The following GPC6 variants were observed in gnomAD, a reference collection of about 807,000 sequenced individuals.
GPC6 encodes the protein glypican 6.
Under a neutral mutation model 55.2 loss-of-function variants are expected in GPC6, and 14 were observed. The observed-to-expected ratio is 0.25, with a 90% CI of 0.17 to 0.40. The LOEUF is 0.40. Among genes scored for constraint, GPC6 ranks in the 10% least tolerant of loss-of-function variants. The pLI, the probability that GPC6 is intolerant of heterozygous loss-of-function variation, is 1.00. For missense variants in GPC6, 641 were observed against 708.5 expected, an observed-to-expected ratio of 0.90 and a Z score of 1.08; for synonymous variants, 278 against 259.6, an observed-to-expected ratio of 1.07 and a Z score of -0.68.
intron 1 of GPC6, among the ~76,000 whole-genome samples, chr13:93,512,430 T>C (rs1161872201): frequency 6.6e-6 from 1 of 152,132 alleles, no homozygotes; most frequent in Non-Finnish European, 1.5e-5. Flanking sequence ...GAAATCGTTT[T>C]TTCTTTCATT....
chr13:93,322,008 G>T (rs751922644), intron 1 of GPC6, among the ~76,000 whole-genome samples: 31 of 151,942 alleles, frequency 2.0e-4, no homozygotes, highest in Non-Finnish European at 4.3e-4. Context: ...CCAATCCATT[G>T]CAGATTGGTT....
intron 1 of GPC6, among the ~76,000 whole-genome samples, chr13:93,498,017 T>C (rs1177517900): frequency 6.6e-6 from 1 of 152,246 alleles, no homozygotes; most frequent in Non-Finnish European, 1.5e-5. Context: ...GGATGTCATC[T>C]TCTATATGCT....
At chr13:94,128,714 C>T (rs1886907470) in intron 4 of GPC6, among the ~76,000 whole-genome samples, 1 of 152,108 alleles carries the variant, frequency 6.6e-6, no homozygotes, top group African/African-American at 2.4e-5. Context: ...TGCCATGTGA[C>T]CAGAAATGAA....
chr13:94,335,808 A>C (rs549163672), intron 6 of GPC6, among the ~76,000 whole-genome samples: 3 of 150,842 alleles, frequency 2.0e-5, no homozygotes, highest in Admixed American at 6.7e-5. Context: ...TTTAGGGAGA[A>C]CATCCATGCC....
At chr13:94,085,426 C>T (rs185155411) in intron 4 of GPC6, among the ~76,000 whole-genome samples, 1 of 151,664 alleles carries the variant, frequency 6.6e-6, no homozygotes, top group African/African-American at 2.4e-5. Context: ...ACATCATGAG[C>T]AAAGCAGTGT....
chr13:93,228,175 G>C (rs1311831886), intron 1 of GPC6, among the ~76,000 whole-genome samples: 2 of 152,172 alleles, frequency 1.3e-5, no homozygotes, highest in African/African-American at 4.8e-5. Flanking sequence ...GGGCGGGCAA[G>C]GCTGGGAGGG....
chr13:94,306,243 C>A, intron 6 of GPC6, 120 bp downstream of exon 6: 1 of 952,450 alleles, frequency 1.0e-6, no homozygotes, highest in East Asian at 2.5e-5. Context: ...TTATATCTGC[C>A]TCTGTTCTTA....
rs533349902 is a variant in GPC6 at position 93,234,707 on chromosome 13, A to T, written c.160+7091A>T. Among the ~76,000 whole-genome samples the T allele has an allele frequency of 2.7e-5, 4 of 145,674 alleles. No homozygotes were observed. In the East Asian group the frequency reaches 8.2e-4, roughly 30 times the overall value. ...GTGTGTGAGAGAGAGAGAGAGAGAG[A>T]GTGCAAGAGAGAGAGAGGGAAGGAA... On this transcript the variant is annotated intron_variant, in intron 1 of 8. Coordinates refer to ENST00000377047, the MANE Select transcript of GPC6 (RefSeq NM_005708.5).
At chr13:93,369,524 T>C (rs1302970986) in intron 1 of GPC6, among the ~76,000 whole-genome samples, 1 of 152,124 alleles carries the variant, frequency 6.6e-6, no homozygotes, top group Admixed American at 6.6e-5. Context: ...ATGGAGTTTT[T>C]GTTGGCATAG....
intron 5 of GPC6, among the ~76,000 whole-genome samples, chr13:94,302,114 C>CT (rs1188847128): frequency 6.6e-6 from 1 of 152,168 alleles, no homozygotes; most frequent in Non-Finnish European, 1.5e-5. Context: ...TTTAAAAATA[C>CT]TTTTTTCAGG....
intron 3 of GPC6, among the ~76,000 whole-genome samples, chr13:93,925,479 T>C (rs931635005): frequency 8.5e-5 from 13 of 152,204 alleles, no homozygotes; most frequent in Non-Finnish European, 1.8e-4. Flanking sequence ...CTGATAAAAG[T>C]TGTATGTAAA....
At chr13:93,865,247 A>C (rs1372933289) in intron 3 of GPC6, among the ~76,000 whole-genome samples, 1 of 151,680 alleles carries the variant, frequency 6.6e-6, no homozygotes, top group African/African-American at 2.4e-5. Context: ...CTTCAAGTTC[A>C]ATGGAACTTA....
chr13:93,264,595 G>C (rs1208970677), intron 1 of GPC6, among the ~76,000 whole-genome samples: 1 of 151,894 alleles, frequency 6.6e-6, no homozygotes, highest in African/African-American at 2.4e-5. Context: ...TTTTTCGGTA[G>C]AAACAAGGTC....
chr13:94,259,949 A>G (rs139428051), intron 4 of GPC6, among the ~76,000 whole-genome samples: 11 of 152,262 alleles, frequency 7.2e-5, no homozygotes, highest in African/African-American at 2.2e-4. Flanking sequence ...TAATCTACCA[A>G]TAGACTTTGT....
At chr13:93,712,782 TA>T (rs1343812694) in intron 2 of GPC6, among the ~76,000 whole-genome samples, 2 of 151,668 alleles carry the variant, frequency 1.3e-5, no homozygotes, top group African/African-American at 4.8e-5. Context: ...TAACCACAAT[TA>T]CTTTTGCACC....
At position 93,782,175 on chromosome 13, in the gene GPC6, C is replaced by T. The variant is rs556024630; in HGVS notation, c.320-47979C>T. 4.5e-4 allele frequency among the ~76,000 whole-genome samples: 69 copies of T among 152,216 alleles called. 1 individual carries two copies. The South Asian group carries it at 0.014, about 30-fold the overall frequency. On this transcript the variant is annotated intron_variant, in intron 2 of 8. Transcript: ENST00000377047. ...TAGATTCCATGTATGTGTGAGATCA[C>T]GTGATTTTTATCATTCTGTGCTTGG...
chr13:93,683,972 G>C (rs1472088816), intron 2 of GPC6, among the ~76,000 whole-genome samples: 6 of 152,214 alleles, frequency 3.9e-5, no homozygotes, highest in Non-Finnish European at 2.9e-5. Context: ...AAAGCAGACA[G>C]AAGAAGCAAG....
intron 1 of GPC6, among the ~76,000 whole-genome samples, chr13:93,295,290 C>CAAAAAAAAAAAAAAAAA (rs67379652): frequency 1.6e-4 from 11 of 66,684 alleles, no homozygotes; most frequent in African/African-American, 7.6e-4. Context: ...GACCCTGTCT[C>CAAAAAAAAAAAAAAAAA]AAAAAAAAAA....
intron 1 of GPC6, among the ~76,000 whole-genome samples, chr13:93,288,083 G>A (rs867904066): frequency 1.3e-5 from 2 of 152,108 alleles, no homozygotes; most frequent in East Asian, 1.9e-4. Flanking sequence ...TCTAGAGTGA[G>A]CTGTTTAGTT....
Sources: allele counts gnomAD v4.1 joint callset (sites outside exome capture counted in the v4.1 genomes callset), GRCh38; gene constraint gnomAD v4.1.1; transcripts MANE v1.5; gene names NCBI Gene and HGNC (gene_info 2026-07-23, HGNC 2026-07-21).